The following KCNN2 variants were observed in gnomAD, a reference collection of about 807,000 sequenced individuals.
KCNN2 encodes the protein potassium calcium-activated channel subfamily N member 2.
A neutral mutation model predicts 55.5 loss-of-function variants in KCNN2; 24 were observed. The ratio of observed to expected loss-of-function variants is 0.43; its 90% CI spans 0.31 to 0.61. The LOEUF is 0.61. KCNN2 is among the 20% of genes least tolerant of loss of function. The pLI is 0.08. For missense variants in KCNN2, 754 were observed against 853.6 expected (o/e 0.88, Z 1.45); for synonymous variants, 431 against 336.1 (o/e 1.28, Z -3.09).
chr5:114,174,076 T>C (rs948414833), intron 1 of KCNN2, among the ~76,000 whole-genome samples: 1 of 152,106 alleles, frequency 6.6e-6, no homozygotes, highest in Non-Finnish European at 1.5e-5. Flanking sequence ...AGTACCTTTT[T>C]AGTTAAATAT....
intron 1 of KCNN2, 73 bp downstream of exon 1, chr5:114,363,334 C>A (rs1023350270): frequency 9.6e-6 from 14 of 1,451,598 alleles, no homozygotes; most frequent in Non-Finnish European, 1.3e-5. Context: ...TGGCGGGGAC[C>A]CTTTGCGTGC....
chr5:114,340,854 C>T (rs1417162961), intron 2 of KCNN2, among the ~76,000 whole-genome samples: 4 of 152,200 alleles, frequency 2.6e-5, no homozygotes, highest in African/African-American at 9.6e-5. Flanking sequence ...TCCCTTGCCT[C>T]AGCCCCTGGC....
intron 1 of KCNN2, among the ~76,000 whole-genome samples, chr5:114,207,028 C>T (rs570390243): frequency 5.9e-5 from 9 of 152,314 alleles, no homozygotes; most frequent in Admixed American, 1.3e-4. Flanking sequence ...TTAGAACACT[C>T]TTTCTTTTTA....
chr5:114,103,713 G>A (rs1007842892), intron 1 of KCNN2, among the ~76,000 whole-genome samples: 2 of 151,808 alleles, frequency 1.3e-5, no homozygotes, highest in African/African-American at 2.4e-5. Flanking sequence ...TTCTGTTTAT[G>A]TGATGGATTA....
chr5:114,130,183 T>A (rs1033126391), intron 1 of KCNN2, among the ~76,000 whole-genome samples: 3 of 152,260 alleles, frequency 2.0e-5, no homozygotes, highest in Non-Finnish European at 2.9e-5. Context: ...TTTAATTGTT[T>A]TACAAGCTAT....
intron 3 of KCNN2, among the ~76,000 whole-genome samples, chr5:114,455,983 T>C (rs1760905887): frequency 6.6e-6 from 1 of 152,164 alleles, no homozygotes; most frequent in Admixed American, 6.6e-5. Flanking sequence ...AAAAGCAAGG[T>C]GAAGCAGGAA....
chr5:114,294,266 T>G (rs1423071065), intron 2 of KCNN2, among the ~76,000 whole-genome samples: 7 of 152,170 alleles, frequency 4.6e-5, no homozygotes, highest in Admixed American at 4.6e-4. Context: ...GCTTTTCTAG[T>G]TCTTTTAATT....
chr5:114,490,978 C>T (rs951767121), intron 6 of KCNN2, among the ~76,000 whole-genome samples: 11 of 152,154 alleles, frequency 7.2e-5, no homozygotes, highest in Admixed American at 3.9e-4. Context: ...AGCTCTCCTA[C>T]ATTACAGGCA....
At chr5:114,379,888 T>G (rs906163857) in intron 2 of KCNN2, among the ~76,000 whole-genome samples, 3 of 147,220 alleles carry the variant, frequency 2.0e-5, no homozygotes, top group Non-Finnish European at 4.5e-5. Flanking sequence ...TATAGCATAA[T>G]TATATTGTGA....
chr5:114,458,296 T>C (rs1580865399), intron 3 of KCNN2, among the ~76,000 whole-genome samples: 1 of 152,232 alleles, frequency 6.6e-6, no homozygotes, highest in South Asian at 2.1e-4. Context: ...TAGAAAAGGA[T>C]TAATGAACAC....
chr5:114,065,078 A>G (rs576925548), intron 1 of KCNN2, among the ~76,000 whole-genome samples: 1 of 152,322 alleles, frequency 6.6e-6, no homozygotes, highest in South Asian at 2.1e-4. Context: ...TGGATACACT[A>G]TGTCACACTA....
At chr5:114,346,215 A>G (rs1326504485) in intron 2 of KCNN2, among the ~76,000 whole-genome samples, 2 of 152,222 alleles carry the variant, frequency 1.3e-5, no homozygotes, top group East Asian at 1.9e-4. Flanking sequence ...ACTATTGTGA[A>G]GACAGAATCA....
At chr5:114,185,130 C>A (rs537939950) in intron 1 of KCNN2, among the ~76,000 whole-genome samples, 205 of 152,140 alleles carry the variant, frequency 1.3e-3, no homozygotes, top group Middle Eastern at 0.01. Context: ...CTAGGTGATT[C>A]TGAAGTTAAA....
chr5:114,384,102 A>T (rs543498760), intron 2 of KCNN2, among the ~76,000 whole-genome samples: 1 of 152,288 alleles, frequency 6.6e-6, no homozygotes, highest in African/African-American at 2.4e-5. Flanking sequence ...TAGGGCCTTT[A>T]CTGTTAGGTG....
chr5:114,325,589 A>G (rs947089227), intron 2 of KCNN2, among the ~76,000 whole-genome samples: 5 of 152,214 alleles, frequency 3.3e-5, no homozygotes, highest in Non-Finnish European at 7.3e-5. Flanking sequence ...CTTAATCGTC[A>G]GCCATCTCAG....
intron 1 of KCNN2, among the ~76,000 whole-genome samples, chr5:114,133,696 G>C (rs756011697): frequency 6.6e-6 from 1 of 152,160 alleles, no homozygotes; most frequent in Non-Finnish European, 1.5e-5. Context: ...AGCAATTCAG[G>C]TCTTTATATG....
At chr5:114,412,603 G>T (rs1305217828) in intron 3 of KCNN2, among the ~76,000 whole-genome samples, 1 of 152,140 alleles carries the variant, frequency 6.6e-6, no homozygotes, top group Non-Finnish European at 1.5e-5. Flanking sequence ...TACATAAGAT[G>T]AATGTGAAAT....
At chr5:114,334,977 G>A (rs1756895291) in intron 2 of KCNN2, among the ~76,000 whole-genome samples, 1 of 152,094 alleles carries the variant, frequency 6.6e-6, no homozygotes, top group South Asian at 2.1e-4. Flanking sequence ...AGGCTGGAGT[G>A]CAGTGTCGCG....
At chr5:114,471,038 A>G (rs1761710096) in intron 4 of KCNN2, among the ~76,000 whole-genome samples, 1 of 152,204 alleles carries the variant, frequency 6.6e-6, no homozygotes, top group Non-Finnish European at 1.5e-5. Context: ...TTTGATAATC[A>G]TATTGCTTGA....
Sources: allele counts gnomAD v4.1 joint callset (sites outside exome capture counted in the v4.1 genomes callset), GRCh38; gene constraint gnomAD v4.1.1; transcripts MANE v1.5; gene names NCBI Gene and HGNC (gene_info 2026-07-23, HGNC 2026-07-21).